The following DAB2IP variants were observed in gnomAD, a reference collection of about 807,000 sequenced individuals.
DAB2IP encodes DAB2 interacting protein.
DAB2IP carries 28 observed loss-of-function variants against 107.2 expected under a neutral mutation model. That is an observed-to-expected ratio of 0.26 (90% CI 0.19 to 0.36). The LOEUF is 0.36. Ranked by LOEUF, DAB2IP falls within the 10% of genes least tolerant of loss-of-function variation. The pLI is 1.00. For missense variants in DAB2IP, 1,400 were observed against 1,644.7 expected (o/e 0.85, Z 2.57); for synonymous variants, 755 against 706.4 (o/e 1.07, Z -1.09).
At chr9:121,661,993 CA>C (rs200178486) in intron 1 of DAB2IP, among the ~76,000 whole-genome samples, 2 of 150,366 alleles carry the variant, frequency 1.3e-5, no homozygotes, top group African/African-American at 2.4e-5. Flanking sequence ...AAAAAAAAAA[CA>C]AAAAAACCCA....
intron 1 of DAB2IP, among the ~76,000 whole-genome samples, chr9:121,567,814 C>T (rs567345274): frequency 6.0e-4 from 92 of 152,274 alleles, no homozygotes; most frequent in African/African-American, 1.8e-3. Flanking sequence ...TTATAAGACT[C>T]GGAAGGGTTC....
rs189970337 is a variant in DAB2IP at position 121,638,718 on chromosome 9, G to A, written c.41-39960G>A. ...TATGGAGAACCACACTGAGGAGGCA[G>A]CGGAGGATTTGGGGGGACAGTTCGG... is the stretch of plus-strand genomic sequence containing the variant. On this transcript the variant is annotated intron_variant, in intron 1 of 16. Coordinates refer to the DAB2IP transcript ENST00000259371. 2.0e-4 allele frequency among the ~76,000 whole-genome samples: 31 copies of A among 152,298 alleles called. 1 individual carries two copies. In the East Asian group the frequency reaches 6.0e-3, roughly 29 times the overall value.
chr9:121,605,180 C>T (rs751562543), intron 1 of DAB2IP, among the ~76,000 whole-genome samples: 6 of 151,948 alleles, frequency 3.9e-5, no homozygotes, highest in Admixed American at 6.6e-5. Context: ...CCACCATGCC[C>T]AGCTAATTTT....
rs116652010 is a variant in DAB2IP at position 121,707,776 on chromosome 9, G to C, written c.362+8318G>C. Among the ~76,000 whole-genome samples the C allele has an allele frequency of 9.7e-3, 1,478 of 152,346 alleles. 22 individuals carry two copies. The highest frequency in any genetic ancestry group is 0.032 in the African/African-American group (1,335 of 41,578). On this transcript the variant is annotated intron_variant, in intron 3 of 15. Transcript: ENST00000408936. ...ATCAGAACGTTGTATTGCAGCTGCA[G>C]ATTGTTAGCAGGTGAAGGATGTGTG...
chr9:121,746,165 A>G (rs1832711038), intron 3 of DAB2IP, among the ~76,000 whole-genome samples: 2 of 152,100 alleles, frequency 1.3e-5, no homozygotes, highest in South Asian at 4.2e-4. Flanking sequence ...AGCCAGGAGC[A>G]TCCAGAGAAG....
chr9:121,627,409 C>A (rs376022738), intron 1 of DAB2IP, among the ~76,000 whole-genome samples: 1 of 151,818 alleles, frequency 6.6e-6, no homozygotes. Flanking sequence ...TGCTTCAAAC[C>A]GGAGTGCATA....
At chr9:121,749,364 C>A (rs1369513794) in intron 3 of DAB2IP, among the ~76,000 whole-genome samples, 1 of 152,228 alleles carries the variant, frequency 6.6e-6, no homozygotes, top group Non-Finnish European at 1.5e-5. Flanking sequence ...CTAGCACAGC[C>A]TCTGGACCTG....
chr9:121,684,007 G>A lies in DAB2IP; in HGVS notation c.228+5226G>A, dbSNP rs948470550. Among the ~76,000 whole-genome samples the A allele has an allele frequency of 2.6e-5, 4 of 152,122 alleles. No individual in the cohort carries two copies. The highest frequency in any genetic ancestry group is 2.9e-5 in the Non-Finnish European group (2 of 68,040). ...CCCTGCAGGATACAAGAACCACAGT[G>A]GATGATGGCTGTGAGTGGAGCTAGC... On this transcript the variant is annotated intron_variant, in intron 2 of 15. Coordinates refer to ENST00000408936, the Ensembl canonical transcript of DAB2IP. The surrounding 1 kb of genome is among the most constrained non-coding windows in gnomAD (Gnocchi z 4.0).
In DAB2IP at chr9:121,684,682, C is replaced by T. The variant is rs1828773110; in HGVS notation, c.228+5901C>T. Among the ~76,000 whole-genome samples, 1 of 152,212 alleles carries T rather than the reference C, an allele frequency of 6.6e-6. No individual in the cohort carries two copies. The highest frequency in any genetic ancestry group is 2.4e-5 in the African/African-American group (1 of 41,442). Reference sequence around the variant, plus strand: ...CTCCCTGCAGAGCCGGCCCCGCTGCCCCCCATTTGTGCCCCTTCCAAGCTA... The same window carrying T: ...CTCCCTGCAGAGCCGGCCCCGCTGCTCCCCATTTGTGCCCCTTCCAAGCTA... On this transcript the variant is annotated intron_variant, in intron 2 of 15. Transcript: ENST00000408936. The surrounding 1 kb of genome is among the most constrained non-coding windows in gnomAD (Gnocchi z 4.0).
At position 121,699,343 on chromosome 9, in the gene DAB2IP, C is replaced by A; in HGVS notation, c.247C>A (p.Leu83Ile). The A allele has an allele frequency of 6.8e-7, 1 of 1,474,474 alleles. No homozygotes were observed. The highest frequency in any genetic ancestry group is 1.3e-5 in the South Asian group (1 of 79,038). 91.3% of individuals were successfully genotyped at this position (1,474,474 alleles called of 1,614,324 possible). The change falls in exon 3 of 16, where the codon CTC (leucine) becomes ATC (isoleucine). Residue 83 changes from leucine (L) to isoleucine (I), a missense_variant. Physicochemically the swap from Leu to Ile is conservative, Grantham distance 5. Transcript: ENST00000408936. This position sits in a 1 kb window ranked among gnomAD's most constrained non-coding sequence, Gnocchi z 6.2. The stretch of plus-strand genomic sequence containing the variant: ...TGCGCAGGGCTTCCTCAGCCGCCGC[C>A]TCAAGGGCTCCATCAAGCGCACCAA...
intron 3 of DAB2IP, among the ~76,000 whole-genome samples, chr9:121,715,725 A>G (rs1489689109): frequency 6.6e-6 from 1 of 152,198 alleles, no homozygotes; most frequent in African/African-American, 2.4e-5. Context: ...GGCTCTGTAA[A>G]TAACACACTT....
chr9:121,683,873 T>C (rs1828722345), intron 2 of DAB2IP, among the ~76,000 whole-genome samples: 1 of 152,046 alleles, frequency 6.6e-6, no homozygotes, highest in South Asian at 2.1e-4. Context: ...GTGAAGTGAA[T>C]AGAAGGAAAC....
rs1316938334 is a variant in DAB2IP, at chr9:121,666,909, CACACACA to C, written c.125-11764_125-11758del. ...ACACACACACACACACACACACACA[CACACACA>C]ACACTCTTAAATAGACGTACACAGA... On this transcript the variant is annotated intron_variant, in intron 1 of 15. Coordinates refer to ENST00000408936, the Ensembl canonical transcript of DAB2IP. 6.3e-4 allele frequency among the ~76,000 whole-genome samples: 83 copies of C among 131,524 alleles called. 1 individual carries two copies. Among genetic ancestry groups the C allele is most frequent in the African/African-American group, 2.1e-3 (79 of 37,112 alleles). 86.3% of individuals were successfully genotyped at this position (131,524 alleles called of 152,430 possible).
chr9:121,750,255 C>T (rs1350538057), intron 3 of DAB2IP, among the ~76,000 whole-genome samples: 2 of 152,242 alleles, frequency 1.3e-5, no homozygotes, highest in African/African-American at 4.8e-5. Context: ...GCACCCTTGA[C>T]ACTAGGCCCT....
In DAB2IP at chr9:121,737,948, T is replaced by A. The variant is rs1832046212; in HGVS notation, c.363-19065T>A. 2.7e-5 allele frequency among the ~76,000 whole-genome samples: 4 copies of A among 149,458 alleles called. No individual in the cohort carries two copies. The Admixed American group carries it at 2.7e-4, about 10-fold the overall frequency. On this transcript the variant is annotated intron_variant, in intron 3 of 15. Coordinates refer to ENST00000408936, the Ensembl canonical transcript of DAB2IP. ...ACTGAATGGGGGACTCCCTTGGACA[T>A]GGGAGGAAGAGTGAAGGTGGGGGCT... is the stretch of plus-strand genomic sequence containing the variant.
At position 121,684,644 on chromosome 9, in the gene DAB2IP, G is replaced by A. The variant is rs1478720202; in HGVS notation, c.228+5863G>A. 6.6e-6 allele frequency among the ~76,000 whole-genome samples: 1 copy of A among 152,178 alleles called. No individual in the cohort carries two copies. Among genetic ancestry groups the A allele is most frequent in the Non-Finnish European group, 1.5e-5 (1 of 68,028 alleles). On this transcript the variant is annotated intron_variant, in intron 2 of 15. Transcript: ENST00000408936. This position sits in a 1 kb window ranked among gnomAD's most constrained non-coding sequence, Gnocchi z 4.0. ...GAATGCATGACTTCAGGTCCAGGAGGGGGCATTCTCTGCTCCCTGCAGAGC... is the reference window on the plus strand; with the variant it reads ...GAATGCATGACTTCAGGTCCAGGAGAGGGCATTCTCTGCTCCCTGCAGAGC...
chr9:121,568,361 C>CG (rs1236403192), intron 1 of DAB2IP, among the ~76,000 whole-genome samples: 2 of 152,074 alleles, frequency 1.3e-5, no homozygotes, highest in Admixed American at 1.3e-4. Flanking sequence ...GCCCAGGGGA[C>CG]GGGGGGTCAG....
chr9:121,777,358 T>C (rs1835278888), intron 14 of DAB2IP, among the ~76,000 whole-genome samples: 1 of 152,236 alleles, frequency 6.6e-6, no homozygotes, highest in Admixed American at 6.5e-5. Context: ...TTGCTCCATT[T>C]ACTTGTAGTT....
At chr9:121,573,180 G>T (rs1166781346) in intron 1 of DAB2IP, among the ~76,000 whole-genome samples, 1 of 151,836 alleles carries the variant, frequency 6.6e-6, no homozygotes, top group Non-Finnish European at 1.5e-5. Context: ...GGGTTTAAGC[G>T]ATTCTCCTGC....
Sources: allele counts gnomAD v4.1 joint callset (sites outside exome capture counted in the v4.1 genomes callset), GRCh38; gene constraint gnomAD v4.1.1; non-coding constraint Gnocchi (gnomAD v3.1); transcripts MANE v1.5; gene names NCBI Gene and HGNC (gene_info 2026-07-23, HGNC 2026-07-21).